The following CUX1 variants were observed in gnomAD, a reference collection of about 807,000 sequenced individuals.
The protein encoded by CUX1 is protein CASP.
In CUX1, 31 loss-of-function variants were observed where a neutral mutation model predicts 158.8. The ratio of observed to expected loss-of-function variants is 0.20; its 90% CI spans 0.15 to 0.26. The LOEUF (loss-of-function observed/expected upper bound fraction) is 0.26. CUX1 is among the 10% of genes least tolerant of loss of function. The probability of loss-of-function intolerance (pLI) is 1.00; values close to 1 mark genes in which losing one functional copy is unlikely to be tolerated. For synonymous variants in CUX1, 879 were observed against 862.1 expected (o/e 1.02, Z -0.34); for missense variants, 1,589 against 2,014.6 (o/e 0.79, Z 4.04).
At chr7:102,012,676 T>G (rs909137266) in intron 2 of CUX1, among the ~76,000 whole-genome samples, 1 of 142,348 alleles carries the variant, frequency 7.0e-6, no homozygotes, top group African/African-American at 2.8e-5. Flanking sequence ...TACATTCCCG[T>G]GTCCACTCTG....
At chr7:102,267,298 C>G (rs1402251018) in intron 14 of CUX1, among the ~76,000 whole-genome samples, 2 of 152,118 alleles carry the variant, frequency 1.3e-5, no homozygotes, top group African/African-American at 4.8e-5. Flanking sequence ...CTTTGGGAGG[C>G]TGAGGTGGGT....
intron 8 of CUX1, among the ~76,000 whole-genome samples, chr7:102,125,183 G>C (rs370630906): frequency 2.6e-5 from 4 of 152,132 alleles, no homozygotes; most frequent in Admixed American, 2.6e-4. Context: ...AGGAACTCTT[G>C]AGCCTTCCCC....
intron 4 of CUX1, among the ~76,000 whole-genome samples, chr7:102,092,929 A>G (rs1171464970): frequency 3.9e-4 from 42 of 108,258 alleles, no homozygotes; most frequent in Admixed American, 1.0e-3. Flanking sequence ...AAAAAAAAAA[A>G]AAAGAAAGAA....
chr7:101,943,818 C>T (rs1418515847), intron 2 of CUX1, among the ~76,000 whole-genome samples: 3 of 151,914 alleles, frequency 2.0e-5, no homozygotes, highest in Non-Finnish European at 2.9e-5. Context: ...CCATAAATAT[C>T]GTTAAATAAG....
chr7:102,186,590 TATA>T (rs149683358), intron 11 of CUX1, among the ~76,000 whole-genome samples: 24,828 of 138,686 alleles, frequency 0.18, 2,073 homozygotes, highest in Middle Eastern at 0.31. Flanking sequence ...TATATATATA[TATA>T]TATTTTTTTT....
At chr7:102,230,476 C>A (rs1473634655) in intron 21 of CUX1, among the ~76,000 whole-genome samples, 1 of 143,568 alleles carries the variant, frequency 7.0e-6, no homozygotes, top group African/African-American at 2.6e-5. Flanking sequence ...CAGAGCAAGA[C>A]ACTATCTCAA....
intron 21 of CUX1, among the ~76,000 whole-genome samples, chr7:102,282,351 TG>T (rs1434180563): frequency 2.0e-5 from 3 of 152,022 alleles, no homozygotes; most frequent in African/African-American, 7.2e-5. Flanking sequence ...TCTGCCAAGT[TG>T]GGGGAGAAGA....
chr7:101,816,819 C>G, upstream of CUX1: 1 of 602,500 alleles, frequency 1.7e-6, no homozygotes. Context: ...GGGCAGGCGC[C>G]CGCGCTCGCT....
At chr7:102,171,620 G>A (rs1791727374) in intron 10 of CUX1, among the ~76,000 whole-genome samples, 3 of 151,670 alleles carry the variant, frequency 2.0e-5, no homozygotes, top group Non-Finnish European at 4.4e-5. Flanking sequence ...GCTGATTTTG[G>A]TATTTTTTAT....
chr7:102,111,988 G>T, intron 7 of CUX1: 1 of 503,318 alleles, frequency 2.0e-6, no homozygotes, highest in Admixed American at 3.5e-5. Context: ...GAGGTGGGAG[G>T]ATCTCGATTC....
intron 3 of CUX1, among the ~76,000 whole-genome samples, chr7:102,054,842 G>A (rs192821959): frequency 2.0e-5 from 3 of 152,156 alleles, no homozygotes; most frequent in Non-Finnish European, 4.4e-5. Context: ...ATGGTGGCGC[G>A]TTCCTGTAGT....
At chr7:102,239,811 A>G (rs782645626) in intron 23 of CUX1, among the ~76,000 whole-genome samples, 1 of 151,852 alleles carries the variant, frequency 6.6e-6, no homozygotes, top group Non-Finnish European at 1.5e-5. Flanking sequence ...CATTGGCGCA[A>G]TCTCGGCTCA....
chr7:101,925,810 A>T (rs780892492), intron 2 of CUX1, among the ~76,000 whole-genome samples: 1 of 151,996 alleles, frequency 6.6e-6, no homozygotes, highest in East Asian at 1.9e-4. Context: ...GTGCGTACCT[A>T]TGGTCCCAGC....
At chr7:102,227,121 T>G (rs1333474457) in intron 20 of CUX1, among the ~76,000 whole-genome samples, 1 of 152,150 alleles carries the variant, frequency 6.6e-6, no homozygotes, top group Non-Finnish European at 1.5e-5. Flanking sequence ...TGTTAAGCCT[T>G]CCGAAGCCTT....
chr7:102,127,623 A>G (rs1306039613), intron 8 of CUX1, among the ~76,000 whole-genome samples: 3 of 151,606 alleles, frequency 2.0e-5, no homozygotes, highest in Non-Finnish European at 4.4e-5. Context: ...CTTGCTTATC[A>G]TTAAATATTC....
At chr7:102,031,500 G>C (rs1053430403) in intron 3 of CUX1, among the ~76,000 whole-genome samples, 6 of 151,974 alleles carry the variant, frequency 3.9e-5, no homozygotes, top group African/African-American at 7.3e-5. Flanking sequence ...AAACATCTAG[G>C]CTAAGCTTCC....
chr7:102,108,587 C>T (rs1554489208), intron 6 of CUX1, among the ~76,000 whole-genome samples: 2 of 152,164 alleles, frequency 1.3e-5, no homozygotes, highest in East Asian at 3.9e-4. Context: ...ATCTGCCCGC[C>T]TCACCTCCTG....
intron 1 of CUX1, among the ~76,000 whole-genome samples, chr7:101,897,072 C>A (rs1286651267): frequency 1.3e-5 from 2 of 152,194 alleles, no homozygotes; most frequent in African/African-American, 4.8e-5. Context: ...CCATTTACTC[C>A]CTCTTATTAG....
rs376823731 is a variant in CUX1, at chr7:102,201,631, G to C, written c.2334G>C (p.Leu778=). ...SAAPEAGASA[L]PNPPALKKEA... is the part of the protein sequence containing the mutation. ...CTCCTGAGGCCGGTGCCTCTGCTCTGCCGAACCCCCCGGCCCTCAAAAAGG... is the reference window on the plus strand; with the variant it reads ...CTCCTGAGGCCGGTGCCTCTGCTCTCCCGAACCCCCCGGCCCTCAAAAAGG... Residue 778 remains leucine, a synonymous_variant, in exon 18 of 24, where the codon CTG becomes CTC. Transcript: ENST00000292535. The surrounding 1 kb of genome is among the most constrained non-coding windows in gnomAD (Gnocchi z 5.0). 9.9e-6 allele frequency: 16 copies of C among 1,613,722 alleles called. No individual in the cohort carries two copies. Among genetic ancestry groups the C allele is most frequent in the Non-Finnish European group, 1.3e-5 (15 of 1,179,926 alleles).
Sources: allele counts gnomAD v4.1 joint callset (sites outside exome capture counted in the v4.1 genomes callset), GRCh38; gene constraint gnomAD v4.1.1; non-coding constraint Gnocchi (gnomAD v3.1); transcripts MANE v1.5; gene names NCBI Gene and HGNC (gene_info 2026-07-23, HGNC 2026-07-21).